Variants in VWA8 observed in about 807,000 individuals in gnomAD.
VWA8 encodes the protein von Willebrand factor A domain containing 8, also known as von Willebrand factor A domain-containing protein 8.
VWA8 carries 221 observed loss-of-function variants against 241.5 expected under a neutral mutation model. That is an observed-to-expected ratio of 0.91 (90% CI 0.82 to 1.02). The LOEUF (loss-of-function observed/expected upper bound fraction) is 1.02. Ranked by LOEUF, VWA8 falls within the 50% of genes least tolerant of loss-of-function variation. The pLI, the probability that VWA8 is intolerant of heterozygous loss-of-function variation, is 0.00. For synonymous variants in VWA8, 852 were observed against 827.1 expected (o/e 1.03, Z -0.52); for missense variants, 2,322 against 2,328.7 (o/e 1.00, Z 0.06).
chr13:41,702,733 G>A (rs1270346492), intron 27 of VWA8, among the ~76,000 whole-genome samples: 1 of 152,212 alleles, frequency 6.6e-6, no homozygotes, highest in Non-Finnish European at 1.5e-5. Flanking sequence ...TAGAGAAAAT[G>A]TTTGCTGACA....
At chr13:41,743,993 C>A (rs1032763501) in intron 21 of VWA8, among the ~76,000 whole-genome samples, 1 of 152,220 alleles carries the variant, frequency 6.6e-6, no homozygotes, top group African/African-American at 2.4e-5. Context: ...ATGGGAGTTA[C>A]CTCACCCAGA....
chr13:41,811,286 G>A lies in VWA8; in HGVS notation c.2002C>T (p.Arg668Trp), dbSNP rs765958170. ...STRQLLRISRRLSQYPNENLH... is the reference protein window; with the variant it reads ...STRQLLRISRWLSQYPNENLH... Reference sequence around the variant, plus strand: ...TTTTCATTAGGATACTGTGACAGCCGACGAGAAATTCGCAACAGTTGTCTG... The same window carrying A: ...TTTTCATTAGGATACTGTGACAGCCAACGAGAAATTCGCAACAGTTGTCTG... The change falls in exon 17 of 45, where the codon CGG becomes TGG. Residue 668 changes from arginine (R) to tryptophan (W), a missense_variant. Arg to Trp is a moderately radical substitution (Grantham distance 101). Transcript: ENST00000379310. 31 of 1,610,910 alleles carry A rather than the reference G, an allele frequency of 1.9e-5. No homozygotes were observed. Among genetic ancestry groups the A allele is most frequent in the African/African-American group, 1.1e-4 (8 of 74,832 alleles).
chr13:41,722,074 A>G (rs2045397154), intron 24 of VWA8, among the ~76,000 whole-genome samples: 1 of 152,194 alleles, frequency 6.6e-6, no homozygotes, highest in African/African-American at 2.4e-5. Context: ...AATGTTGAGT[A>G]TCTTCAAAAA....
intron 21 of VWA8, among the ~76,000 whole-genome samples, chr13:41,741,933 A>G (rs1217858264): frequency 6.6e-6 from 1 of 152,248 alleles, no homozygotes; most frequent in Non-Finnish European, 1.5e-5. Context: ...CTGATGGAAA[A>G]GAACAGAGTC....
intron 42 of VWA8, among the ~76,000 whole-genome samples, chr13:41,585,153 G>A (rs971671413): frequency 1.1e-4 from 16 of 151,920 alleles, no homozygotes; most frequent in African/African-American, 3.9e-4. Flanking sequence ...GTGTGTGACA[G>A]GTCTAGTTTC....
At chr13:41,861,089 G>A (rs1174448694) in intron 12 of VWA8, among the ~76,000 whole-genome samples, 2 of 151,880 alleles carry the variant, frequency 1.3e-5, no homozygotes, top group Admixed American at 6.6e-5. Context: ...AATGGCACAT[G>A]AAATATTACT....
chr13:41,628,388 T>C (rs553307183), intron 37 of VWA8, among the ~76,000 whole-genome samples: 1 of 152,270 alleles, frequency 6.6e-6, no homozygotes, highest in South Asian at 2.1e-4. Flanking sequence ...AGAATATAAA[T>C]TGTTCATTTA....
chr13:41,729,643 A>G lies in VWA8; in HGVS notation c.2537T>C (p.Val846Ala), dbSNP rs140070269. The G allele has an allele frequency of 5.8e-5, 93 of 1,612,890 alleles. No homozygotes were observed. The African/African-American group carries it at 1.2e-3, about 20-fold the overall frequency. The part of the protein sequence containing the change: ...KAVKLGHILV[V>A]DEADKAPTNV... ...TGTTGGAGCTTTGTCAGCCTCATCTACTACCAGAATATGACCCAACTTTAC... is the reference window on the plus strand; with the variant it reads ...TGTTGGAGCTTTGTCAGCCTCATCTGCTACCAGAATATGACCCAACTTTAC... Residue 846 changes from valine to alanine, a missense_variant, in exon 23 of 45, where the codon GTA becomes GCA. By Grantham distance (64) the Val-to-Ala change is moderately conservative (BLOSUM62 0). Coordinates refer to ENST00000379310, the MANE Select transcript of VWA8 (RefSeq NM_015058.2).
At chr13:41,940,271 T>TCACTTGAAAGTGAAAGTC (rs1161074885) in intron 2 of VWA8, among the ~76,000 whole-genome samples, 1 of 152,198 alleles carries the variant, frequency 6.6e-6, no homozygotes, top group African/African-American at 2.4e-5. Context: ...GTCTATCATT[T>TCACTTGAAAGTGAAAGTC]TATGTTTCAC....
intron 19 of VWA8, among the ~76,000 whole-genome samples, chr13:41,783,556 T>C (rs1165061974): frequency 1.3e-5 from 2 of 151,436 alleles, no homozygotes; most frequent in Non-Finnish European, 2.9e-5. Context: ...AAGAATCGCT[T>C]GAACCTGGGA....
intron 26 of VWA8, among the ~76,000 whole-genome samples, chr13:41,706,525 C>T (rs1016347685): frequency 6.6e-6 from 1 of 152,150 alleles, no homozygotes; most frequent in East Asian, 1.9e-4. Context: ...CCAAGACCCT[C>T]ATTTATTTTC....
intron 37 of VWA8, among the ~76,000 whole-genome samples, chr13:41,659,814 G>A (rs1005119615): frequency 1.3e-5 from 2 of 152,154 alleles, no homozygotes; most frequent in African/African-American, 4.8e-5. Flanking sequence ...AAACTGTTAC[G>A]TGTCCTATAG....
intron 19 of VWA8, among the ~76,000 whole-genome samples, chr13:41,782,664 A>G (rs1868940402): frequency 6.6e-6 from 1 of 152,134 alleles, no homozygotes; most frequent in Non-Finnish European, 1.5e-5. Context: ...GACAGATTTC[A>G]GAATTTTTAA....
At chr13:41,657,538 G>A (rs1040218170) in intron 37 of VWA8, among the ~76,000 whole-genome samples, 8 of 148,618 alleles carry the variant, frequency 5.4e-5, no homozygotes, top group African/African-American at 7.5e-5. Flanking sequence ...GCCGGACTGC[G>A]GACTGCAGTG....
At chr13:41,803,474 G>T (rs1325531333) in intron 17 of VWA8, among the ~76,000 whole-genome samples, 1 of 152,164 alleles carries the variant, frequency 6.6e-6, no homozygotes, top group African/African-American at 2.4e-5. Context: ...GGGTGGGGAG[G>T]CCTCACAATC....
chr13:41,960,244 T>C (rs751675397), intron 1 of VWA8, among the ~76,000 whole-genome samples: 31 of 152,252 alleles, frequency 2.0e-4, no homozygotes, highest in Non-Finnish European at 3.8e-4. Flanking sequence ...CCTTCTGGGT[T>C]TCAATTACCT....
intron 10 of VWA8, among the ~76,000 whole-genome samples, chr13:41,866,490 C>T (rs971766620): frequency 1.3e-5 from 2 of 151,608 alleles, no homozygotes; most frequent in Non-Finnish European, 2.9e-5. Context: ...TAAAAGCCTC[C>T]AACTAATAGC....
intron 9 of VWA8, among the ~76,000 whole-genome samples, chr13:41,880,415 G>A (rs1019083660): frequency 5.9e-5 from 9 of 152,212 alleles, no homozygotes; most frequent in South Asian, 2.1e-4. Flanking sequence ...ACTGTGGCCA[G>A]TATAATCACC....
intron 12 of VWA8, among the ~76,000 whole-genome samples, chr13:41,849,855 A>C (rs9315870): frequency 0.73 from 110,290 of 151,458 alleles, 41,068 homozygotes; most frequent in East Asian, 0.89. Context: ...CCACTGTACT[A>C]CAGCCTGGGT....
Sources: allele counts gnomAD v4.1 joint callset (sites outside exome capture counted in the v4.1 genomes callset), GRCh38; gene constraint gnomAD v4.1.1; transcripts MANE v1.5; gene names NCBI Gene and HGNC (gene_info 2026-07-23, HGNC 2026-07-21).